The following MYRIP variants were observed in gnomAD, a reference collection of about 807,000 sequenced individuals.
The protein encoded by MYRIP is myosin VIIA and Rab interacting protein, also known as rab effector MyRIP.
Under a neutral mutation model 98.0 loss-of-function variants are expected in MYRIP, and 49 were observed. The ratio of observed to expected loss-of-function variants is 0.50; its 90% CI spans 0.40 to 0.63. The LOEUF is 0.63. Ranked by LOEUF, MYRIP falls within the 30% of genes least tolerant of loss-of-function variation. The pLI is 0.00. For synonymous variants in MYRIP, 404 were observed against 409.5 expected (o/e 0.99, Z 0.16); for missense variants, 1,004 against 1,058.2 (o/e 0.95, Z 0.71).
At chr3:39,820,982 G>A (rs1941084636) in intron 1 of MYRIP, among the ~76,000 whole-genome samples, 1 of 152,114 alleles carries the variant, frequency 6.6e-6, no homozygotes, top group African/African-American at 2.4e-5. Flanking sequence ...GCTGATGGTG[G>A]ATGGGGATGC....
chr3:40,171,548 C>T (rs1172904195), intron 8 of MYRIP, among the ~76,000 whole-genome samples: 1 of 152,200 alleles, frequency 6.6e-6, no homozygotes, highest in Non-Finnish European at 1.5e-5. Flanking sequence ...GAAATTCCCA[C>T]AGCACCCCAG....
chr3:39,964,476 A>G (rs1264541889), intron 2 of MYRIP, among the ~76,000 whole-genome samples: 1 of 152,162 alleles, frequency 6.6e-6, no homozygotes, highest in Non-Finnish European at 1.5e-5. Flanking sequence ...AGCCTTCTCT[A>G]TTAGTTATTA....
rs1435460138 is a variant in MYRIP at position 40,259,482 on chromosome 3, G to C, written c.*1316G>C. 1 of 152,162 alleles carries C rather than the reference G, an allele frequency of 6.6e-6. No individual in the cohort carries two copies. Among genetic ancestry groups the C allele is most frequent in the Non-Finnish European group, 1.5e-5 (1 of 68,034 alleles). 9.4% of individuals were successfully genotyped at this position (152,162 alleles called of 1,614,324 possible). On this transcript the variant is annotated 3_prime_UTR_variant, in exon 17 of 17. Transcript: ENST00000302541. ...ATCCTTATGGCAACCTTATTCAATA[G>C]GTTTTCCCATATTTCAGATTTAATA...
At chr3:40,142,371 A>T (rs1949922696) in intron 3 of MYRIP, among the ~76,000 whole-genome samples, 2 of 152,054 alleles carry the variant, frequency 1.3e-5, no homozygotes, top group Admixed American at 1.3e-4. Flanking sequence ...ATTTTTCAAA[A>T]GCTTTGGTAT....
At chr3:39,901,823 A>G (rs1183352831) in intron 2 of MYRIP, among the ~76,000 whole-genome samples, 1 of 152,164 alleles carries the variant, frequency 6.6e-6, no homozygotes, top group South Asian at 2.1e-4. Flanking sequence ...TTTAATATAT[A>G]CTATATGTGA....
At chr3:39,882,720 T>C (rs529152452) in intron 1 of MYRIP, among the ~76,000 whole-genome samples, 7 of 152,096 alleles carry the variant, frequency 4.6e-5, no homozygotes, top group Non-Finnish European at 8.8e-5. Context: ...AGGAATACAT[T>C]AGTTAAATAT....
At chr3:39,843,257 G>A (rs1941858140) in intron 1 of MYRIP, among the ~76,000 whole-genome samples, 1 of 152,094 alleles carries the variant, frequency 6.6e-6, no homozygotes, top group African/African-American at 2.4e-5. Context: ...AGACTGAGCT[G>A]AGCATAATAA....
intron 2 of MYRIP, among the ~76,000 whole-genome samples, chr3:39,902,315 A>G (rs1433913987): frequency 6.6e-6 from 1 of 152,252 alleles, no homozygotes; most frequent in African/African-American, 2.4e-5. Flanking sequence ...AAAGGTCACC[A>G]GAACAATAGG....
intron 2 of MYRIP, among the ~76,000 whole-genome samples, chr3:39,986,724 G>A (rs1025629893): frequency 2.6e-5 from 4 of 152,118 alleles, no homozygotes; most frequent in South Asian, 2.1e-4. Flanking sequence ...TATAACCCCC[G>A]TGGGTAGGGG....
At chr3:39,927,421 C>T (rs116800389) in intron 2 of MYRIP, among the ~76,000 whole-genome samples, 15 of 151,916 alleles carry the variant, frequency 9.9e-5, no homozygotes, top group African/African-American at 2.9e-4. Flanking sequence ...AAGGGGAATG[C>T]GTCCAGCTTT....
At chr3:39,910,322 G>A (rs764039047) in intron 2 of MYRIP, among the ~76,000 whole-genome samples, 50 of 152,218 alleles carry the variant, frequency 3.3e-4, no homozygotes, top group Non-Finnish European at 6.2e-4. Flanking sequence ...CCAGTACCAA[G>A]GCAGTACACT....
Position 39,900,837 on chromosome 3 carries a change from G to A in MYRIP, c.21G>A (p.Leu7=), listed in dbSNP as rs369961021. Residue 7 remains leucine (L), a synonymous_variant, in exon 2 of 17, where the codon CTG becomes CTA. Transcript: ENST00000302541. MGRKLD[L]SGLTDDETEH... Reference sequence around the variant, plus strand: ...TAACCATGGGGAGGAAGCTGGACCTGTCTGGTTTGACTGATGATGAAACAG... The same window carrying A: ...TAACCATGGGGAGGAAGCTGGACCTATCTGGTTTGACTGATGATGAAACAG... The A allele has an allele frequency of 8.1e-6, 13 of 1,613,752 alleles. No homozygotes were observed. Among genetic ancestry groups the A allele is most frequent in the African/African-American group, 8.0e-5 (6 of 74,914 alleles).
intron 2 of MYRIP, among the ~76,000 whole-genome samples, chr3:39,974,375 C>T (rs1160247327): frequency 6.6e-6 from 1 of 151,950 alleles, no homozygotes; most frequent in Non-Finnish European, 1.5e-5. Flanking sequence ...TCTGAATAGA[C>T]CAATAACAGG....
chr3:40,174,613 T>C (rs1234681287), intron 8 of MYRIP: 1 of 152,240 alleles, frequency 6.6e-6, no homozygotes, highest in Admixed American at 6.5e-5. Flanking sequence ...GGGTGTGTAG[T>C]AGGCATCTTG....
In MYRIP at chr3:40,151,161, G is replaced by C. The variant is rs922087085; in HGVS notation, c.446G>C (p.Ser149Thr). The change falls in exon 4 of 17, where the codon AGT (serine) becomes ACT (threonine). Residue 149 changes from serine to threonine, a missense_variant. Ser to Thr is a moderately conservative substitution (Grantham distance 58, BLOSUM62 1). Transcript: ENST00000302541. Reference protein sequence around the residue: ...KNLYRKHRLESGACFDILGGS... With the variant: ...KNLYRKHRLETGACFDILGGS... ...CTGTACAGGAAGCACCGGCTGGAGA[G>C]TGGCGCGTGCTTCGACATTCTAGGT... is the stretch of plus-strand genomic sequence containing the variant. The C allele has an allele frequency of 6.2e-7, 1 of 1,608,478 alleles. No individual in the cohort carries two copies. Among genetic ancestry groups the C allele is most frequent in the South Asian group, 1.1e-5 (1 of 90,104 alleles).
intron 1 of MYRIP, among the ~76,000 whole-genome samples, chr3:39,830,360 C>A (rs1057233708): frequency 6.6e-6 from 1 of 152,188 alleles, no homozygotes; most frequent in African/African-American, 2.4e-5. Flanking sequence ...CCATGAACCT[C>A]AGGTGGATCC....
At chr3:39,891,596 G>A (rs1197627759) in intron 1 of MYRIP, among the ~76,000 whole-genome samples, 1 of 151,962 alleles carries the variant, frequency 6.6e-6, no homozygotes, top group Non-Finnish European at 1.5e-5. Flanking sequence ...AGTATTGCTG[G>A]ATCAATGGTA....
At chr3:40,255,365 G>C (rs192359214) in intron 16 of MYRIP, among the ~76,000 whole-genome samples, 62 of 152,262 alleles carry the variant, frequency 4.1e-4, no homozygotes, top group African/African-American at 1.3e-3. Flanking sequence ...CTAGATAAAG[G>C]TGGTAGTTGT....
In MYRIP at chr3:39,833,325, T is replaced by C. The variant is rs569944516; in HGVS notation, c.-31+23409T>C. Among the ~76,000 whole-genome samples the C allele has an allele frequency of 2.6e-5, 4 of 152,286 alleles. No homozygotes were observed. In the South Asian group the frequency reaches 6.2e-4, roughly 24 times the overall value. On this transcript the variant is annotated intron_variant, in intron 1 of 16. Transcript: ENST00000302541. ...GGTTGGGGGGTTAATGAAAATCTTC[T>C]AATAATCAAAAGGAAAAAAATCACA...
Sources: gnomAD v4.1 joint callset for allele counts (sites outside exome capture counted in the v4.1 genomes callset) on GRCh38, gnomAD v4.1.1 for gene constraint, MANE v1.5 for transcripts, NCBI Gene and HGNC (gene_info 2026-07-23, HGNC 2026-07-21) for gene names.